Variants in RILPL1 observed in about 807,000 individuals in gnomAD.
RILPL1 encodes the protein RILP-like protein 1.
In RILPL1, 33 loss-of-function variants were observed where a neutral mutation model predicts 50.3. That is an observed-to-expected ratio of 0.66 (90% CI 0.50 to 0.88). The LOEUF (loss-of-function observed/expected upper bound fraction) is 0.88. Ranked by LOEUF, RILPL1 falls within the 40% of genes least tolerant of loss-of-function variation. RILPL1 has a pLI of 0.00. For missense variants in RILPL1, 418 were observed against 542.5 expected, an observed-to-expected ratio of 0.77 and a Z score of 2.28; for synonymous variants, 205 against 228.6, an observed-to-expected ratio of 0.90 and a Z score of 0.93.
In RILPL1 at chr12:123,489,402, C is replaced by T. The variant is rs887017957; in HGVS notation, c.802-3597G>A. ...CTGGGCGGCCAGGCACAGTGGCTCA[C>T]GCCTGTAATCTCAGCACTTTGGGAA... On this transcript the variant is annotated intron_variant, in intron 4 of 6. Transcript: ENST00000376874. This position sits in a 1 kb window ranked among gnomAD's most constrained non-coding sequence, Gnocchi z 4.0. Among the ~76,000 whole-genome samples the T allele has an allele frequency of 1.4e-4, 21 of 152,052 alleles. No homozygotes were observed. Among genetic ancestry groups the T allele is most frequent in the Non-Finnish European group, 2.8e-4 (19 of 68,010 alleles).
chr12:123,482,777 A>G (rs1447057775), intron 6 of RILPL1, among the ~76,000 whole-genome samples: 1 of 149,182 alleles, frequency 6.7e-6, no homozygotes, highest in Non-Finnish European at 1.5e-5. Flanking sequence ...TAATTTTTGT[A>G]TTTTTTGTAG....
chr12:123,515,939 CAGG>C (rs1197884677), intron 2 of RILPL1, among the ~76,000 whole-genome samples: 1 of 147,524 alleles, frequency 6.8e-6, no homozygotes, highest in Non-Finnish European at 1.5e-5. Flanking sequence ...GAGGCTGAGG[CAGG>C]AGAATGGCTT....
At chr12:123,511,270 G>GT in intron 2 of RILPL1, among the ~76,000 whole-genome samples, 1 of 108,886 alleles carries the variant, frequency 9.2e-6, no homozygotes, top group Non-Finnish European at 1.7e-5. Flanking sequence ...GTGTGTGTGT[G>GT]GTGTGTGCAG....
chr12:123,485,576 C>T lies in RILPL1; in HGVS notation c.974+57G>A. ...GGGTAAGAAGGTAACTGTACAGAAA[C>T]TCTGGCTAACCTCAGTAAGGAGCCA... is the stretch of plus-strand genomic sequence containing the variant. On this transcript the variant is annotated intron_variant, in intron 5 of 6. Transcript: ENST00000376874. This position sits in a 1 kb window ranked among gnomAD's most constrained non-coding sequence, Gnocchi z 4.0. The T allele has an allele frequency of 6.5e-7, 1 of 1,529,172 alleles. No individual in the cohort carries two copies. Among genetic ancestry groups the T allele is most frequent in the Non-Finnish European group, 8.9e-7 (1 of 1,119,484 alleles). 94.7% of individuals were successfully genotyped at this position (1,529,172 alleles called of 1,614,324 possible).
At chr12:123,523,347 G>A (rs1885134817) in intron 2 of RILPL1, 148 bp downstream of exon 2, 3 of 880,460 alleles carry the variant, frequency 3.4e-6, no homozygotes, top group African/African-American at 1.7e-5. Flanking sequence ...CAGGGTTATG[G>A]TGCAAATCAA....
rs1009574213 is a variant in RILPL1, at chr12:123,522,050, C to T, written c.460+1445G>A. 6.6e-6 allele frequency among the ~76,000 whole-genome samples: 1 copy of T among 152,140 alleles called. No homozygotes were observed. The highest frequency in any genetic ancestry group is 1.5e-5 in the Non-Finnish European group (1 of 68,020). On this transcript the variant is annotated intron_variant, in intron 2 of 6. Transcript: ENST00000376874. This position sits in a 1 kb window ranked among gnomAD's most constrained non-coding sequence, Gnocchi z 4.0. ...CCTCCCAAAGTGCTGGGATTACAGG[C>T]GTGAGCCACTGTGCCTGGCCTTTAG...
chr12:123,505,039 GT>G (rs540778890), intron 2 of RILPL1, among the ~76,000 whole-genome samples: 8 of 112,446 alleles, frequency 7.1e-5, no homozygotes, highest in Non-Finnish European at 1.1e-4. Context: ...AAGTTTTTTT[GT>G]TTTTTTTTTT....
Position 123,527,767 on chromosome 12 carries a change from G to A in RILPL1, c.310-4122C>T, listed in dbSNP as rs147713517. Among the ~76,000 whole-genome samples the A allele has an allele frequency of 3.3e-3, 501 of 152,296 alleles. 4 individuals are homozygous for A. The highest frequency in any genetic ancestry group is 0.011 in the African/African-American group (478 of 41,570). On this transcript the variant is annotated intron_variant, in intron 1 of 6. Coordinates refer to ENST00000376874, the MANE Select transcript of RILPL1 (RefSeq NM_178314.5). ...GTCTTCGTAAGAGGAAGGCAGGTCA[G>A]CGTTAGAGGAATATGAGGGAGATGG...
At chr12:123,484,950 C>T (rs183797989) in intron 5 of RILPL1, 18 of 324,404 alleles carry the variant, frequency 5.5e-5, no homozygotes, top group Admixed American at 1.8e-4. Flanking sequence ...TGAGCCACCG[C>T]GCCCGGCCTC....
chr12:123,511,964 CTG>C (rs1219459223), intron 2 of RILPL1, among the ~76,000 whole-genome samples: 4 of 53,256 alleles, frequency 7.5e-5, no homozygotes, highest in African/African-American at 4.0e-4. Context: ...GGTGTGAGAT[CTG>C]TGTGTGTGTG....
chr12:123,486,697 T>C (rs1328608796), intron 4 of RILPL1, among the ~76,000 whole-genome samples: 1 of 152,232 alleles, frequency 6.6e-6, no homozygotes, highest in African/African-American at 2.4e-5. Context: ...TGGAGTGCAA[T>C]GGCATGATCT....
At chr12:123,481,441 C>T (rs34031619) in intron 6 of RILPL1, among the ~76,000 whole-genome samples, 3 of 151,922 alleles carry the variant, frequency 2.0e-5, no homozygotes, top group East Asian at 1.9e-4. Flanking sequence ...ACTGGACACC[C>T]AAGAATGGAG....
chr12:123,482,934 C>A (rs1223758616), intron 6 of RILPL1, among the ~76,000 whole-genome samples: 1 of 152,046 alleles, frequency 6.6e-6, no homozygotes, highest in African/African-American at 2.4e-5. Flanking sequence ...AGGAGAGGGC[C>A]CAGCAGTGAC....
Position 123,522,503 on chromosome 12 carries a change from T to C in RILPL1, c.460+992A>G, listed in dbSNP as rs1885104148. Among the ~76,000 whole-genome samples, 1 of 152,188 alleles carries C rather than the reference T, an allele frequency of 6.6e-6. No homozygotes were observed. The highest frequency in any genetic ancestry group is 1.5e-5 in the Non-Finnish European group (1 of 68,028). On this transcript the variant is annotated intron_variant, in intron 2 of 6. Transcript: ENST00000376874. The surrounding 1 kb of genome is among the most constrained non-coding windows in gnomAD (Gnocchi z 4.0). Reference sequence around the variant, plus strand: ...GCCTCCAATCTCTTCCCAGCACACTTAGAATAAAATCCAAACCTCAGCCTC... The same window carrying C: ...GCCTCCAATCTCTTCCCAGCACACTCAGAATAAAATCCAAACCTCAGCCTC...
chr12:123,495,566 G>A (rs1449534222), intron 4 of RILPL1, among the ~76,000 whole-genome samples: 2 of 151,122 alleles, frequency 1.3e-5, no homozygotes, highest in Non-Finnish European at 2.9e-5. Context: ...AGTAGAGATG[G>A]GGTTTCACCA....
At chr12:123,479,845 C>T (rs1319877036) in intron 6 of RILPL1, among the ~76,000 whole-genome samples, 2 of 152,176 alleles carry the variant, frequency 1.3e-5, no homozygotes, top group Admixed American at 6.5e-5. Context: ...GCTCTGAAAA[C>T]AGGGCCCCAG....
At chr12:123,517,251 G>A (rs1884754189) in intron 2 of RILPL1, among the ~76,000 whole-genome samples, 1 of 152,028 alleles carries the variant, frequency 6.6e-6, no homozygotes, top group Non-Finnish European at 1.5e-5. Flanking sequence ...GGCGCTGGAG[G>A]GAGCATGGCC....
At position 123,470,744 on chromosome 12, in the gene RILPL1, A is replaced by G. The variant is rs1881152609; in HGVS notation, c.*1794T>C. The G allele has an allele frequency of 6.6e-6, 1 of 152,216 alleles. No homozygotes were observed. The highest frequency in any genetic ancestry group is 2.1e-4 in the South Asian group (1 of 4,834). The allele number at this position is 152,216 out of a possible 1,614,324, so 9.4% of individuals were successfully genotyped here. On this transcript the variant is annotated 3_prime_UTR_variant, in exon 7 of 7. Coordinates refer to ENST00000376874, the MANE Select transcript of RILPL1 (RefSeq NM_178314.5). ...AGTTGCAGTGAGCAGAGATGGTGCC[A>G]CTATACTTTGGCTTGGGCAATAGAG...
chr12:123,521,733 GTATATATATAAAAA>G (rs1885067447), intron 2 of RILPL1, among the ~76,000 whole-genome samples: 1 of 133,548 alleles, frequency 7.5e-6, no homozygotes, highest in Non-Finnish European at 1.6e-5. Flanking sequence ...ACACATATAT[GTATATATATAAAAA>G]TATATATATA....
Sources: gnomAD v4.1 joint callset for allele counts (sites outside exome capture counted in the v4.1 genomes callset) on GRCh38, gnomAD v4.1.1 for gene constraint, Gnocchi (gnomAD v3.1) non-coding constraint, MANE v1.5 for transcripts, NCBI Gene and HGNC (gene_info 2026-07-23, HGNC 2026-07-21) for gene names.